Variants in SETD3 observed in about 807,000 individuals in gnomAD.
The protein encoded by SETD3 is actin-histidine N-methyltransferase.
Under a neutral mutation model 63.0 loss-of-function variants are expected in SETD3, and 19 were observed. The ratio of observed to expected loss-of-function variants is 0.30; its 90% CI spans 0.21 to 0.44. SETD3 has a LOEUF of 0.44. SETD3 is among the 20% of genes least tolerant of loss of function. The pLI is 1.00. For missense variants in SETD3, 587 were observed against 728.5 expected (o/e 0.81, Z 2.24); for synonymous variants, 286 against 264.1 (o/e 1.08, Z -0.80).
At chr14:99,419,589 A>C (rs1250844109) in intron 6 of SETD3, among the ~76,000 whole-genome samples, 1 of 151,846 alleles carries the variant, frequency 6.6e-6, no homozygotes, top group Non-Finnish European at 1.5e-5. Flanking sequence ...TCCCGGCTAA[A>C]ACGGTGAAAC....
intron 1 of SETD3, among the ~76,000 whole-genome samples, chr14:99,469,426 C>T (rs1242133136): frequency 6.6e-6 from 1 of 152,202 alleles, no homozygotes; most frequent in Non-Finnish European, 1.5e-5. Context: ...CAACAGTCAG[C>T]CTTAATAAAT....
chr14:99,436,307 T>G (rs1387695826), intron 6 of SETD3, among the ~76,000 whole-genome samples: 1 of 152,116 alleles, frequency 6.6e-6, no homozygotes, highest in African/African-American at 2.4e-5. Flanking sequence ...AAACAGCTTG[T>G]GTCGAATAGT....
At chr14:99,417,670 T>C (rs1392213573) in intron 6 of SETD3, among the ~76,000 whole-genome samples, 1 of 152,282 alleles carries the variant, frequency 6.6e-6, no homozygotes, top group Non-Finnish European at 1.5e-5. Flanking sequence ...TTCATTATTA[T>C]GTGAATCCCT....
At position 99,413,049 on chromosome 14, in the gene SETD3, C is replaced by G. The variant is rs762823797; in HGVS notation, c.751G>C (p.Val251Leu). Residue 251 changes from valine to leucine, a missense_variant, in exon 8 of 13, where the codon GTT (valine) becomes CTT (leucine). Coordinates refer to ENST00000331768, the MANE Select transcript of SETD3 (RefSeq NM_032233.3). Reference sequence around the variant, plus strand: ...GGAATTTGGTTTTGCCTCGTCATAACAGAAGAGACTGCCCACCTATAACAA... The same window carrying G: ...GGAATTTGGTTTTGCCTCGTCATAAGAGAAGAGACTGCCCACCTATAACAA... ...YEDYRWAVSS[V>L]MTRQNQIPTE... 1.2e-6 allele frequency: 2 copies of G among 1,609,168 alleles called. No homozygotes were observed. Among genetic ancestry groups the G allele is most frequent in the Non-Finnish European group, 1.7e-6 (2 of 1,175,600 alleles).
intron 6 of SETD3, among the ~76,000 whole-genome samples, chr14:99,448,758 A>T (rs1343468835): frequency 3.3e-5 from 5 of 152,172 alleles, no homozygotes; most frequent in Non-Finnish European, 7.4e-5. Context: ...GAGAACAAAA[A>T]ATGTCACATA....
chr14:99,463,732 A>C (rs1257804727), intron 2 of SETD3, among the ~76,000 whole-genome samples, 154 bp from the exon 3 acceptor site: 1 of 152,190 alleles, frequency 6.6e-6, no homozygotes, highest in South Asian at 2.1e-4. Flanking sequence ...AATGAATGTG[A>C]GAAGTACAAG....
intron 1 of SETD3, among the ~76,000 whole-genome samples, chr14:99,467,782 G>A (rs76731079): frequency 2.4e-4 from 37 of 152,274 alleles, no homozygotes; most frequent in Non-Finnish European, 3.7e-4. Context: ...GCCTGGGACA[G>A]GGCTGTTCTG....
chr14:99,445,641 C>A (rs576535159), intron 6 of SETD3, among the ~76,000 whole-genome samples: 7 of 152,224 alleles, frequency 4.6e-5, no homozygotes, highest in Non-Finnish European at 1.0e-4. Context: ...TCTTCAGGGA[C>A]ACCAGAGTAT....
intron 6 of SETD3, among the ~76,000 whole-genome samples, chr14:99,432,250 G>C (rs1482649579): frequency 2.0e-5 from 3 of 152,154 alleles, no homozygotes; most frequent in African/African-American, 7.2e-5. Flanking sequence ...ACCCGTAAGA[G>C]TCCTGATAAA....
intron 8 of SETD3, chr14:99,410,275 G>GA: frequency 6.2e-7 from 1 of 1,612,086 alleles, no homozygotes; most frequent in South Asian, 1.1e-5. Context: ...GGTGTGGGGG[G>GA]ACAGGTTGTT....
chr14:99,468,092 A>G (rs573712280), intron 1 of SETD3, among the ~76,000 whole-genome samples: 1 of 152,114 alleles, frequency 6.6e-6, no homozygotes, highest in South Asian at 2.1e-4. Context: ...TGCATCAGGT[A>G]AGAGGTACAG....
At chr14:99,437,039 T>C (rs554811947) in intron 6 of SETD3, among the ~76,000 whole-genome samples, 1 of 152,330 alleles carries the variant, frequency 6.6e-6, no homozygotes, top group Admixed American at 6.5e-5. Flanking sequence ...TTCAGTTAGA[T>C]ATGAGATTAA....
At chr14:99,448,066 C>G (rs1041951453) in intron 6 of SETD3, among the ~76,000 whole-genome samples, 2 of 152,204 alleles carry the variant, frequency 1.3e-5, no homozygotes, top group Non-Finnish European at 1.5e-5. Context: ...CCAGACACAA[C>G]CTTAAAGACT....
chr14:99,469,469 C>T (rs1450723026), intron 1 of SETD3, among the ~76,000 whole-genome samples: 1 of 152,242 alleles, frequency 6.6e-6, no homozygotes, highest in African/African-American at 2.4e-5. Flanking sequence ...ATAGGCTGGG[C>T]GTAGTGGCTC....
intron 1 of SETD3, among the ~76,000 whole-genome samples, chr14:99,479,599 G>A (rs543668513): frequency 6.6e-6 from 1 of 152,254 alleles, no homozygotes; most frequent in East Asian, 1.9e-4. Context: ...AGAAAAACGG[G>A]AGAGGGAGAG....
intron 4 of SETD3, among the ~76,000 whole-genome samples, chr14:99,460,425 T>TA (rs1208965486): frequency 6.6e-6 from 1 of 151,854 alleles, no homozygotes; most frequent in Non-Finnish European, 1.5e-5. Flanking sequence ...CCCACCTAGT[T>TA]ACAGGCAGAG....
chr14:99,450,827 ATG>A (rs1257979246), intron 6 of SETD3, among the ~76,000 whole-genome samples: 1 of 152,222 alleles, frequency 6.6e-6, no homozygotes, highest in Non-Finnish European at 1.5e-5. Flanking sequence ...TTTAATAGAT[ATG>A]TCTCTATTCC....
At chr14:99,406,693 A>T (rs1050225386) in intron 8 of SETD3, 103 bp from the exon 9 acceptor site, 4 of 1,137,316 alleles carry the variant, frequency 3.5e-6, no homozygotes, top group Admixed American at 3.9e-5. Context: ...AGGGGATCCC[A>T]AGGTACTCAA....
intron 6 of SETD3, among the ~76,000 whole-genome samples, chr14:99,442,304 G>C (rs1893868930): frequency 6.6e-6 from 1 of 152,192 alleles, no homozygotes; most frequent in African/African-American, 2.4e-5. Flanking sequence ...TTTGGCTACT[G>C]AGTGCTTTAT....
Sources: gnomAD v4.1 joint callset for allele counts (sites outside exome capture counted in the v4.1 genomes callset) on GRCh38, gnomAD v4.1.1 for gene constraint, MANE v1.5 for transcripts, NCBI Gene and HGNC (gene_info 2026-07-23, HGNC 2026-07-21) for gene names.